Variants in BTRC observed in about 807,000 individuals in gnomAD.
BTRC encodes beta-transducin repeat containing E3 ubiquitin protein ligase, also known as F-box/WD repeat-containing protein 1A.
A neutral mutation model predicts 85.5 loss-of-function variants in BTRC; 42 were observed. The ratio of observed to expected loss-of-function variants is 0.49; its 90% confidence interval spans 0.38 to 0.64. The LOEUF (loss-of-function observed/expected upper bound fraction) is 0.64. Among genes scored for constraint, BTRC ranks in the 30% least tolerant of loss-of-function variants. The probability of loss-of-function intolerance (pLI) is 0.00; values close to 1 mark genes in which losing one functional copy is unlikely to be tolerated. For missense variants in BTRC, 594 were observed against 743.5 expected (o/e 0.80, Z 2.34); for synonymous variants, 255 against 263.3 (o/e 0.97, Z 0.30).
chr10:101,528,600 T>C (rs1055188073), intron 6 of BTRC, among the ~76,000 whole-genome samples: 13 of 152,332 alleles, frequency 8.5e-5, no homozygotes, highest in Admixed American at 5.2e-4. Context: ...CAAATACTTA[T>C]ACATCCCGTG....
intron 2 of BTRC, among the ~76,000 whole-genome samples, chr10:101,461,369 A>G (rs1945220919): frequency 6.6e-6 from 1 of 152,078 alleles, no homozygotes; most frequent in Non-Finnish European, 1.5e-5. Context: ...TTTCAGTTGG[A>G]TTGTTGTTTT....
At position 101,555,451 on chromosome 10, in the gene BTRC, G is replaced by A. The variant is rs994881439; in HGVS notation, c.*2328G>A. The A allele has an allele frequency of 6.6e-6, 1 of 152,650 alleles. No individual in the cohort carries two copies. Among genetic ancestry groups the A allele is most frequent in the Non-Finnish European group, 1.5e-5 (1 of 68,048 alleles). 9.5% of individuals were successfully genotyped at this position (152,650 alleles called of 1,614,324 possible). On this transcript the variant is annotated 3_prime_UTR_variant, in exon 15 of 15. Coordinates refer to ENST00000370187, the MANE Select transcript of BTRC (RefSeq NM_033637.4). ...CTGCAGATGTGGAGCCATTAGCCCA[G>A]TTGAGGATATTCTCCAAGTTGTCCT...
At chr10:101,465,105 TTTTTG>T (rs1380278630) in intron 3 of BTRC, among the ~76,000 whole-genome samples, 2 of 152,166 alleles carry the variant, frequency 1.3e-5, no homozygotes, top group Admixed American at 1.3e-4. Context: ...TGTTTTTTTG[TTTTTG>T]TTTTGTTTTG....
chr10:101,366,055 G>A (rs1189848429), intron 1 of BTRC, among the ~76,000 whole-genome samples: 2 of 151,940 alleles, frequency 1.3e-5, no homozygotes, highest in Non-Finnish European at 2.9e-5. Context: ...TTTCTAAATT[G>A]CCATGTATAA....
chr10:101,456,017 C>CACACACACACACACACAG (rs1416141920), intron 2 of BTRC, among the ~76,000 whole-genome samples: 1 of 150,694 alleles, frequency 6.6e-6, no homozygotes, highest in East Asian at 2.0e-4. Flanking sequence ...CACACACACA[C>CACACACACACACACACAG]AAAATTAGCT....
At chr10:101,421,201 T>A (rs796082531) in intron 1 of BTRC, among the ~76,000 whole-genome samples, 52 of 152,218 alleles carry the variant, frequency 3.4e-4, no homozygotes, top group African/African-American at 1.2e-3. Context: ...TTGATGTACG[T>A]TATCTTCTCC....
At chr10:101,547,328 CTTTTTTTTTTT>C (rs71016332) in intron 13 of BTRC, among the ~76,000 whole-genome samples, 1 of 79,636 alleles carries the variant, frequency 1.3e-5, no homozygotes, top group Non-Finnish European at 2.4e-5. Flanking sequence ...TATGGTTTTT[CTTTTTTTTTTT>C]TTTTTTTTTT....
rs575681859 is a variant in BTRC at position 101,537,774 on chromosome 10, T to C, written c.1578-519T>C. ...GGAAATTGTTCAGAGTGTGGTGACA[T>C]GTTCCAGCTTGGTCAAGACAATATT... On this transcript the variant is annotated intron_variant, in intron 12 of 14. Transcript: ENST00000370187. Among the ~76,000 whole-genome samples the C allele has an allele frequency of 5.9e-5, 9 of 152,358 alleles. No homozygotes were observed. In the East Asian group the frequency reaches 1.7e-3, roughly 29 times the overall value.
chr10:101,541,555 C>A (rs902028794), intron 13 of BTRC, among the ~76,000 whole-genome samples: 5 of 152,122 alleles, frequency 3.3e-5, no homozygotes, highest in African/African-American at 9.7e-5. Flanking sequence ...CCACCGCGCC[C>A]GGCCTAGGGT....
chr10:101,523,903 T>A (rs1047487803), intron 5 of BTRC, among the ~76,000 whole-genome samples: 1 of 152,122 alleles, frequency 6.6e-6, no homozygotes, highest in Non-Finnish European at 1.5e-5. Flanking sequence ...TGATGATGAA[T>A]TTTTATACAT....
chr10:101,489,656 T>A (rs1946078688), intron 4 of BTRC, among the ~76,000 whole-genome samples: 1 of 152,124 alleles, frequency 6.6e-6, no homozygotes. Flanking sequence ...ATGAGGGAAA[T>A]GAGCTATGAA....
chr10:101,459,468 A>G lies in BTRC; in HGVS notation c.157-2513A>G, dbSNP rs191753478. The stretch of plus-strand genomic sequence containing the variant: ...ATGACTGTTTAATGTCCCTACCTCT[A>G]TTTTTTTGTAACAACATTATAAGTT... On this transcript the variant is annotated intron_variant, in intron 2 of 14. Transcript: ENST00000370187. 2.5e-3 allele frequency among the ~76,000 whole-genome samples: 380 copies of G among 151,978 alleles called. 3 individuals are homozygous for G. Among genetic ancestry groups the G allele is most frequent in the African/African-American group, 8.5e-3 (353 of 41,444 alleles).
At chr10:101,505,866 G>T (rs955486346) in intron 4 of BTRC, among the ~76,000 whole-genome samples, 11 of 151,398 alleles carry the variant, frequency 7.3e-5, no homozygotes, top group Non-Finnish European at 1.3e-4. Context: ...ACTCAGATTT[G>T]ATCCTTTTTG....
chr10:101,401,594 T>C (rs1014900347), intron 1 of BTRC, among the ~76,000 whole-genome samples: 4 of 152,258 alleles, frequency 2.6e-5, no homozygotes, highest in Middle Eastern at 3.4e-3. Context: ...AACAATCTTA[T>C]AGTAAAAGCA....
At chr10:101,357,748 A>G (rs188358503) in intron 1 of BTRC, among the ~76,000 whole-genome samples, 176 of 152,354 alleles carry the variant, frequency 1.2e-3, no homozygotes, top group African/African-American at 4.0e-3. Context: ...AATCCTGTTA[A>G]TAAGACTGCT....
chr10:101,484,413 A>C (rs1186453704), intron 4 of BTRC, among the ~76,000 whole-genome samples: 2 of 152,174 alleles, frequency 1.3e-5, no homozygotes, highest in Non-Finnish European at 2.9e-5. Flanking sequence ...TTTCCTGAAG[A>C]ATTATTGCCA....
At chr10:101,374,215 C>A (rs1312628594) in intron 1 of BTRC, among the ~76,000 whole-genome samples, 1 of 152,016 alleles carries the variant, frequency 6.6e-6, no homozygotes, top group Non-Finnish European at 1.5e-5. Flanking sequence ...CACATCCTCT[C>A]CAGCACTTGT....
At chr10:101,380,971 G>C (rs7899747) in intron 1 of BTRC, among the ~76,000 whole-genome samples, 54,915 of 152,010 alleles carry the variant, frequency 0.36, 11,012 homozygotes, top group Middle Eastern at 0.48. Flanking sequence ...GTAACACAAT[G>C]GTATTTGTAT....
intron 13 of BTRC, among the ~76,000 whole-genome samples, chr10:101,543,093 G>A (rs1358933026): frequency 1.3e-5 from 2 of 152,172 alleles, no homozygotes; most frequent in Non-Finnish European, 2.9e-5. Context: ...GGGCAGGCTG[G>A]TCTCGAACTC....
Sources: gnomAD v4.1 joint callset for allele counts (sites outside exome capture counted in the v4.1 genomes callset) on GRCh38, gnomAD v4.1.1 for gene constraint, MANE v1.5 for transcripts, NCBI Gene and HGNC (gene_info 2026-07-23, HGNC 2026-07-21) for gene names.